CNOT2: variants seen among roughly 807,000 people sequenced by gnomAD.
CNOT2 encodes CCR4-NOT transcription complex subunit 2, also known as CC chemokine receptor 4-negative regulator of transcription 2.
In CNOT2, 7 loss-of-function variants were observed where a neutral mutation model predicts 72.1. The observed-to-expected ratio is 0.10, with a 90% CI of 0.06 to 0.18. CNOT2 has a LOEUF of 0.18. Among genes scored for constraint, CNOT2 ranks in the 10% least tolerant of loss-of-function variants. CNOT2 has a pLI of 1.00. For synonymous variants in CNOT2, 196 were observed against 225.6 expected (o/e 0.87, Z 1.17); for missense variants, 345 against 660.3 (o/e 0.52, Z 5.23).
chr12:70,319,160 T>C, intron 3 of CNOT2, 138 bp from the exon 4 acceptor site: 1 of 555,602 alleles, frequency 1.8e-6, no homozygotes, highest in Non-Finnish European at 2.9e-6. Context: ...TATTATAGAA[T>C]GTTTGTTTTA....
At chr12:70,342,711 TA>T (rs1048449220) in intron 13 of CNOT2, among the ~76,000 whole-genome samples, 3 of 152,162 alleles carry the variant, frequency 2.0e-5, no homozygotes, top group African/African-American at 7.2e-5. Context: ...TCCATTTTTT[TA>T]AATCACCTAA....
At chr12:70,340,924 T>C (rs1881415579) in intron 11 of CNOT2, among the ~76,000 whole-genome samples, 1 of 146,836 alleles carries the variant, frequency 6.8e-6, no homozygotes, top group South Asian at 2.2e-4. Context: ...AGACAGAGTA[T>C]TGCTCTTGTC....
rs149516172 is a variant in CNOT2 at position 70,306,467 on chromosome 12, T to G, written c.49-4428T>G. 2.2e-3 allele frequency among the ~76,000 whole-genome samples: 340 copies of G among 152,296 alleles called. 3 individuals carry two copies. The highest frequency in any genetic ancestry group is 8.0e-3 in the African/African-American group (334 of 41,566). Reference sequence around the variant, plus strand: ...CCACCATTCCTGACCTCTGTTTACTTTTTAGAATATGCTGCTTAGTTCTTA... The same window carrying G: ...CCACCATTCCTGACCTCTGTTTACTGTTTAGAATATGCTGCTTAGTTCTTA... On this transcript the variant is annotated intron_variant, in intron 2 of 15. Transcript: ENST00000229195.
At chr12:70,256,951 C>G (rs1317463519) in intron 1 of CNOT2, among the ~76,000 whole-genome samples, 1 of 152,082 alleles carries the variant, frequency 6.6e-6, no homozygotes, top group Non-Finnish European at 1.5e-5. Flanking sequence ...AAGCATTTTC[C>G]AGTGTCATAT....
intron 2 of CNOT2, among the ~76,000 whole-genome samples, chr12:70,309,537 C>G (rs1876088872): frequency 1.3e-5 from 2 of 152,054 alleles, no homozygotes. Flanking sequence ...ACCACGTCTA[C>G]TGATATGTAA....
chr12:70,332,715 C>G, intron 6 of CNOT2, 52 bp from the exon 7 acceptor site: 6 of 1,506,268 alleles, frequency 4.0e-6, no homozygotes, highest in Non-Finnish European at 5.3e-6. Flanking sequence ...TTTTCTTCAT[C>G]TGAAAGTTAG....
chr12:70,267,077 T>C (rs1442375539), intron 1 of CNOT2, among the ~76,000 whole-genome samples: 2 of 151,718 alleles, frequency 1.3e-5, no homozygotes, highest in African/African-American at 4.8e-5. Flanking sequence ...CTTTGTGTAT[T>C]TTTTTTTAGA....
chr12:70,254,526 G>T (rs567241219), intron 1 of CNOT2, among the ~76,000 whole-genome samples: 1 of 152,210 alleles, frequency 6.6e-6, no homozygotes, highest in Non-Finnish European at 1.5e-5. Flanking sequence ...TTGTACTGCG[G>T]TTCACCATGA....
At chr12:70,312,105 G>A (rs1876567479) in intron 3 of CNOT2, among the ~76,000 whole-genome samples, 1 of 151,862 alleles carries the variant, frequency 6.6e-6, no homozygotes, top group African/African-American at 2.4e-5. Context: ...ACTAATGTGT[G>A]TTGTGGCTTT....
intron 4 of CNOT2, among the ~76,000 whole-genome samples, chr12:70,324,533 A>G (rs1160547264): frequency 4.0e-5 from 6 of 151,786 alleles, no homozygotes; most frequent in African/African-American, 7.3e-5. Context: ...CCGACCTGCA[A>G]ACCTTTGTGA....
chr12:70,244,981 T>TA, intron 1 of CNOT2, among the ~76,000 whole-genome samples: 1 of 152,354 alleles, frequency 6.6e-6, no homozygotes, highest in Non-Finnish European at 1.5e-5. Flanking sequence ...AAGTATCCAT[T>TA]TACATGCAAG....
At chr12:70,301,515 G>A (rs1873971454) in intron 2 of CNOT2, among the ~76,000 whole-genome samples, 1 of 152,070 alleles carries the variant, frequency 6.6e-6, no homozygotes, top group African/African-American at 2.4e-5. Context: ...TTTATATGCT[G>A]GACTACGTTT....
In CNOT2 at chr12:70,353,862, C is replaced by T. The variant is rs1159438496; in HGVS notation, c.1570C>T (p.Arg524Trp). The T allele has an allele frequency of 6.3e-7, 1 of 1,598,290 alleles. No individual in the cohort carries two copies. Among genetic ancestry groups the T allele is most frequent in the Non-Finnish European group, 8.5e-7 (1 of 1,174,258 alleles). The part of the protein sequence containing the change: ...FHLEYDKLEE[R>W]PHLPSTFNYN... ...TCTGGAATATGACAAATTAGAAGAACGGCCTCACCTGCCATCCACCTTCAA... is the reference window on the plus strand; with the variant it reads ...TCTGGAATATGACAAATTAGAAGAATGGCCTCACCTGCCATCCACCTTCAA... Residue 524 changes from arginine (R) to tryptophan (W), a missense_variant, in exon 16 of 16, where the codon CGG becomes TGG. Transcript: ENST00000229195.
intron 3 of CNOT2, among the ~76,000 whole-genome samples, chr12:70,313,895 G>T (rs948086437): frequency 5.3e-5 from 8 of 151,804 alleles, no homozygotes; most frequent in Non-Finnish European, 1.2e-4. Context: ...TACATTCTTG[G>T]GCCTGTTTCT....
intron 2 of CNOT2, among the ~76,000 whole-genome samples, chr12:70,281,622 A>G (rs1405255355): frequency 6.6e-6 from 1 of 152,194 alleles, no homozygotes; most frequent in Non-Finnish European, 1.5e-5. Context: ...TGTTCACATG[A>G]TTCAAGAATT....
At chr12:70,353,591 A>C (rs1883139257) in intron 15 of CNOT2, among the ~76,000 whole-genome samples, 1 of 152,072 alleles carries the variant, frequency 6.6e-6, no homozygotes, top group Non-Finnish European at 1.5e-5. Flanking sequence ...GTCCATTAGT[A>C]GTCTCTTGAC....
rs116762783 is a variant in CNOT2 at position 70,253,168 on chromosome 12, G to A, written c.-96+9688G>A. Among the ~76,000 whole-genome samples the A allele has an allele frequency of 2.6e-3, 402 of 152,326 alleles. 1 individual carries two copies. The highest frequency in any genetic ancestry group is 9.0e-3 in the African/African-American group (373 of 41,574). On this transcript the variant is annotated intron_variant, in intron 1 of 15. Transcript: ENST00000229195. ...ACATAATAGGCATTTAATAATTCCTGTGTTAAGTGGGATAAATCTAATGGG... is the reference window on the plus strand; with the variant it reads ...ACATAATAGGCATTTAATAATTCCTATGTTAAGTGGGATAAATCTAATGGG...
At chr12:70,276,463 G>A (rs994798232) in intron 1 of CNOT2, among the ~76,000 whole-genome samples, 2 of 151,876 alleles carry the variant, frequency 1.3e-5, no homozygotes, top group Non-Finnish European at 2.9e-5. Context: ...TAATGGTAAG[G>A]CATGTACTAC....
chr12:70,319,274 C>T (rs773067133), intron 3 of CNOT2, 24 bp from the exon 4 acceptor site: 2 of 1,602,750 alleles, frequency 1.2e-6, no homozygotes, highest in African/African-American at 1.3e-5. Flanking sequence ...TCTTTATGCT[C>T]TAATATAATT....
Sources: gnomAD v4.1 joint callset for allele counts (sites outside exome capture counted in the v4.1 genomes callset) on GRCh38, gnomAD v4.1.1 for gene constraint, MANE v1.5 for transcripts, NCBI Gene and HGNC (gene_info 2026-07-23, HGNC 2026-07-21) for gene names.